FANCD2: variants seen among roughly 807,000 people sequenced by gnomAD.
The protein encoded by FANCD2 is FA complementation group D2, also known as Fanconi anemia group D2 protein.
In FANCD2, 131 loss-of-function variants were observed where a neutral mutation model predicts 192.3. That is an observed-to-expected ratio of 0.68 (90% confidence interval 0.59 to 0.79). FANCD2 has a LOEUF of 0.79. FANCD2 is among the 30% of genes least tolerant of loss of function. The pLI, the probability that FANCD2 is intolerant of heterozygous loss-of-function variation, is 0.00. For synonymous variants in FANCD2, 524 were observed against 612.5 expected (o/e 0.86, Z 2.13); for missense variants, 1,508 against 1,701.6 (o/e 0.89, Z 2.00).
At chr3:10,042,087 G>A (rs928888342) in intron 10 of FANCD2, among the ~76,000 whole-genome samples, 4 of 151,876 alleles carry the variant, frequency 2.6e-5, no homozygotes, top group Non-Finnish European at 5.9e-5. Context: ...TAGTAGAGAC[G>A]GGGTTTCACC....
intron 9 of FANCD2, chr3:10,041,045 T>A (rs2086851861): frequency 6.0e-6 from 1 of 166,222 alleles, no homozygotes; most frequent in Non-Finnish European, 1.3e-5. Context: ...CATACAAAAA[T>A]TAGGTGGGCG....
In FANCD2 at chr3:10,093,330, G is replaced by C. The variant is rs1482801348; in HGVS notation, c.3888+7G>C. ...TCTGCATGTATGTTTGAAGGTGAGA[G>C]ATTTACTGGGCCCTGTTTCATATTT... On this transcript the variant is annotated splice_region_variant and intron_variant, in intron 39 of 43. Coordinates refer to ENST00000675286, the MANE Select transcript of FANCD2 (RefSeq NM_001018115.3). 4 of 1,606,420 alleles carry C rather than the reference G, an allele frequency of 2.5e-6. No homozygotes were observed. The highest frequency in any genetic ancestry group is 3.4e-6 in the Non-Finnish European group (4 of 1,173,106).
intron 37 of FANCD2, among the ~76,000 whole-genome samples, 157 bp downstream of exon 37, chr3:10,090,542 C>A (rs138480262): frequency 6.7e-6 from 1 of 149,152 alleles, no homozygotes; most frequent in East Asian, 2.0e-4. Context: ...TCACTGCAAC[C>A]TCACCTCCTG....
intron 26 of FANCD2, among the ~76,000 whole-genome samples, chr3:10,069,493 CG>C (rs1334480024): frequency 1.1e-4 from 15 of 134,474 alleles, no homozygotes; most frequent in Middle Eastern, 3.5e-3. Context: ...CCCCCTCTCC[CG>C]TCTCCCTCTG....
At chr3:10,034,368 GA>G in intron 3 of FANCD2, 100 bp from the exon 4 acceptor site, 1 of 696,620 alleles carries the variant, frequency 1.4e-6, no homozygotes, top group South Asian at 1.5e-5. Context: ...AAATTAGGTT[GA>G]AAATATTTTT....
intron 41 of FANCD2, 38 bp downstream of exon 41, chr3:10,095,312 T>C (rs764667302): frequency 2.2e-5 from 34 of 1,567,836 alleles, no homozygotes; most frequent in Non-Finnish European, 2.8e-5. Context: ...AGCCTGCCTG[T>C]TGGCTTAATC....
Position 10,064,723 on chromosome 3 carries a change from C to G in FANCD2, c.2022-6C>G. The G allele has an allele frequency of 1.2e-6, 2 of 1,614,084 alleles. No homozygotes were observed. Among genetic ancestry groups the G allele is most frequent in the Non-Finnish European group, 1.7e-6 (2 of 1,179,976 alleles). ...TGCAACATCAGATTCTGGTTTTTCT[C>G]CGCAGTGACTTTCCATTTCCTGTGA... On this transcript the variant is annotated splice_region_variant and splice_polypyrimidine_tract_variant and intron_variant, in intron 22 of 43. Coordinates refer to ENST00000675286, the MANE Select transcript of FANCD2 (RefSeq NM_001018115.3).
At position 10,043,144 on chromosome 3, in the gene FANCD2, G is replaced by T; in HGVS notation, c.983G>T (p.Arg328Leu). 6.2e-7 allele frequency: 1 copy of T among 1,613,778 alleles called. No homozygotes were observed. Among genetic ancestry groups the T allele is most frequent in the South Asian group, 1.1e-5 (1 of 91,062 alleles). Reference sequence around the variant, plus strand: ...CAAGTAAAGTTGAAAAGTAAAGGACGAGCAAGGTAAAGAGCTCATCCTCAC... The same window carrying T: ...CAAGTAAAGTTGAAAAGTAAAGGACTAGCAAGGTAAAGAGCTCATCCTCAC... Reference protein sequence around the residue: ...ASQVKLKSKGRASSSGNQESS... With the variant: ...ASQVKLKSKGLASSSGNQESS... The change falls in exon 12 of 44, where the codon CGA (arginine) becomes CTA (leucine). Residue 328 changes from arginine to leucine, a missense_variant. Around this residue, in one of 5 missense-constraint regions of FANCD2, gnomAD observed 435 missense variants for 421.9 expected, o/e 1.03. Coordinates refer to ENST00000675286, the MANE Select transcript of FANCD2 (RefSeq NM_001018115.3).
chr3:10,072,899 A>G lies in FANCD2; in HGVS notation c.2523A>G (p.Gly841=). ...AVTPDYVPPL[G]NFDVETLDIT... is the part of the protein sequence containing the mutation. Reference sequence around the variant, plus strand: ...CCCCAGACTATGTCCCTCCTCTTGGAAACTTTGATGTGGAAACTTTAGATA... The same window carrying G: ...CCCCAGACTATGTCCCTCCTCTTGGGAACTTTGATGTGGAAACTTTAGATA... Residue 841 remains glycine (G), a synonymous_variant, in exon 27 of 44, where the codon GGA becomes GGG. Transcript: ENST00000675286. The G allele has an allele frequency of 1.2e-6, 2 of 1,610,872 alleles. No homozygotes were observed. Among genetic ancestry groups the G allele is most frequent in the Non-Finnish European group, 1.7e-6 (2 of 1,177,506 alleles).
intron 12 of FANCD2, 28 bp downstream of exon 12, chr3:10,043,178 T>A: frequency 6.4e-7 from 1 of 1,565,722 alleles, no homozygotes; most frequent in African/African-American, 1.4e-5. Flanking sequence ...ACACAGGATG[T>A]CACAATTTTC....
intron 17 of FANCD2, among the ~76,000 whole-genome samples, chr3:10,050,440 C>T (rs535171934): frequency 3.7e-4 from 56 of 151,170 alleles, no homozygotes; most frequent in East Asian, 1.8e-3. Context: ...CTGCCTAACA[C>T]GGTGAAACCC....
At chr3:10,057,334 A>C (rs867093880) in intron 18 of FANCD2, among the ~76,000 whole-genome samples, 8 of 151,562 alleles carry the variant, frequency 5.3e-5, no homozygotes, top group Non-Finnish European at 1.2e-4. Flanking sequence ...AATAAAGTCA[A>C]ATTTATCTAT....
chr3:10,042,518 G>T, intron 10 of FANCD2, 41 bp from the exon 11 acceptor site: 1 of 1,430,102 alleles, frequency 7.0e-7, no homozygotes. Flanking sequence ...TTGAGGTAGT[G>T]ACATGAAAAC....
chr3:10,035,961 CT>C (rs1477392294), intron 6 of FANCD2, among the ~76,000 whole-genome samples: 1 of 151,860 alleles, frequency 6.6e-6, no homozygotes, highest in Non-Finnish European at 1.5e-5. Context: ...CAAATTAAGT[CT>C]TTGTATTCCA....
chr3:10,084,956 C>G (rs1694090590), intron 32 of FANCD2, among the ~76,000 whole-genome samples: 2 of 152,148 alleles, frequency 1.3e-5, no homozygotes, highest in Non-Finnish European at 2.9e-5. Flanking sequence ...AAAGGTGTCA[C>G]TATGATCTAC....
intron 19 of FANCD2, among the ~76,000 whole-genome samples, chr3:10,060,658 C>A (rs2276798): frequency 2.0e-5 from 3 of 152,180 alleles, no homozygotes; most frequent in Non-Finnish European, 4.4e-5. Flanking sequence ...TTCTAGAAAT[C>A]TTTGCACAAA....
intron 25 of FANCD2, among the ~76,000 whole-genome samples, chr3:10,066,517 G>C (rs1338913933): frequency 1.3e-5 from 2 of 152,152 alleles, no homozygotes; most frequent in African/African-American, 4.8e-5. Context: ...GGAGTTCAAA[G>C]TCATTAAAAA....
At chr3:10,091,165 T>G (rs113408117) in intron 37 of FANCD2, among the ~76,000 whole-genome samples, 9,662 of 144,318 alleles carry the variant, frequency 0.067, 422 homozygotes, top group Non-Finnish European at 0.098. Context: ...ACTGCAGCCT[T>G]TGCCTTCTGG....
chr3:10,034,540 T>C lies in FANCD2; in HGVS notation c.273+4T>C. 6.2e-7 allele frequency: 1 copy of C among 1,607,928 alleles called. No homozygotes were observed. Among genetic ancestry groups the C allele is most frequent in the Non-Finnish European group, 8.5e-7 (1 of 1,174,416 alleles). On this transcript the variant is annotated splice_donor_region_variant and intron_variant, in intron 4 of 43. Transcript: ENST00000675286. ...GAGACACCCTTCCTATCCCAAAGTA[T>C]GTATTTTTCCCCTGGTATTTTTGCT...
Sources: gnomAD v4.1 joint callset for allele counts (sites outside exome capture counted in the v4.1 genomes callset) on GRCh38, gnomAD v4.1.1 for gene constraint, gnomAD v4.1.1 regional missense constraint, MANE v1.5 for transcripts, NCBI Gene and HGNC (gene_info 2026-07-23, HGNC 2026-07-21) for gene names.